ZNF722: variants seen among roughly 807,000 people sequenced by gnomAD.
ZNF722 encodes zinc finger protein 479 pseudogene.
chr7:64,004,431 T>C, the ZNF722 span, among the ~76,000 whole-genome samples: 1 of 97,382 alleles, frequency 1.0e-5, no homozygotes, highest in South Asian at 3.1e-4. Flanking sequence ...AAAAAATATA[T>C]ATATATATAT....
chr7:64,015,343 C>G, the ZNF722 span: 3 of 1,397,634 alleles, frequency 2.1e-6, no homozygotes, highest in African/African-American at 4.3e-5. Flanking sequence ...TATGGCAAAT[C>G]GTTTTGCATG....
At chr7:64,011,063 A>G in the ZNF722 span, among the ~76,000 whole-genome samples, 1 of 89,782 alleles carries the variant, frequency 1.1e-5, no homozygotes, top group Non-Finnish European at 2.6e-5. Flanking sequence ...TAGGATTGCA[A>G]CCCCTGCTTT....
the ZNF722 span, among the ~76,000 whole-genome samples, chr7:64,011,100 G>A: frequency 5.3e-5 from 8 of 150,900 alleles, no homozygotes; most frequent in Non-Finnish European, 1.0e-4. Flanking sequence ...TTTTTGGTGA[G>A]GATGGATCTT....
chr7:64,007,080 A>G, the ZNF722 span, among the ~76,000 whole-genome samples: 1 of 151,528 alleles, frequency 6.6e-6, no homozygotes, highest in African/African-American at 2.4e-5. Context: ...TCATCAACAT[A>G]GTTGGTGTTT....
the ZNF722 span, among the ~76,000 whole-genome samples, chr7:64,017,030 A>C: frequency 6.6e-6 from 1 of 152,232 alleles, no homozygotes; most frequent in Admixed American, 6.5e-5. Flanking sequence ...AAATACAAAG[A>C]ATGTGAAAAG....
At chr7:64,017,327 TGAGCCAACACAGA>T in the ZNF722 span, among the ~76,000 whole-genome samples, 1 of 136,010 alleles carries the variant, frequency 7.4e-6, no homozygotes, top group Non-Finnish European at 1.6e-5. Flanking sequence ...GAGGTTGCAG[TGAGCCAACACAGA>T]GCTGCTACAC....
chr7:63,999,237 G>C, the ZNF722 span, among the ~76,000 whole-genome samples: 1 of 152,152 alleles, frequency 6.6e-6, no homozygotes, highest in Non-Finnish European at 1.5e-5. Flanking sequence ...TGGACTGGAG[G>C]CCTCTCTGGG....
chr7:64,004,173 G>C, the ZNF722 span, among the ~76,000 whole-genome samples: 4 of 151,658 alleles, frequency 2.6e-5, no homozygotes, highest in Non-Finnish European at 5.9e-5. Context: ...GGCCAAGGCA[G>C]GCGGATCATG....
At chr7:63,999,207 C>T in the ZNF722 span, among the ~76,000 whole-genome samples, 93 of 152,270 alleles carry the variant, frequency 6.1e-4, no homozygotes, top group Non-Finnish European at 1.1e-3. Context: ...CTGTCTTTTT[C>T]CTCTGCAGTG....
At chr7:64,012,408 G>A in the ZNF722 span, among the ~76,000 whole-genome samples, 1 of 152,096 alleles carries the variant, frequency 6.6e-6, no homozygotes, top group Admixed American at 6.6e-5. Context: ...CATCTTTGTG[G>A]TTTTATCTAC....
At chr7:64,007,623 T>G in the ZNF722 span, among the ~76,000 whole-genome samples, 254 of 152,348 alleles carry the variant, frequency 1.7e-3, 2 homozygotes, top group African/African-American at 6.0e-3. Flanking sequence ...TGCCACATTT[T>G]CTTAATCCAG....
At chr7:64,009,062 T>C in the ZNF722 span, among the ~76,000 whole-genome samples, 27 of 152,314 alleles carry the variant, frequency 1.8e-4, no homozygotes, top group East Asian at 4.8e-3. Flanking sequence ...TATTGGTGTA[T>C]AGGAATGCTT....
the ZNF722 span, among the ~76,000 whole-genome samples, chr7:64,017,251 G>A: frequency 6.6e-6 from 1 of 152,168 alleles, no homozygotes; most frequent in Non-Finnish European, 1.5e-5. Context: ...AGGTGTGGTG[G>A]CGTGTGCCTG....
the ZNF722 span, among the ~76,000 whole-genome samples, chr7:64,017,641 A>C: frequency 3.9e-5 from 6 of 152,218 alleles, no homozygotes; most frequent in Non-Finnish European, 7.3e-5. Flanking sequence ...GAATGTGAAA[A>C]AACATTTGTT....
chr7:64,000,250 C>T, the ZNF722 span, among the ~76,000 whole-genome samples: 1 of 150,820 alleles, frequency 6.6e-6, no homozygotes. Flanking sequence ...CCTGCCTCAG[C>T]CTCCCAAGTA....
At chr7:64,015,109 A>G in the ZNF722 span, 1 of 1,429,102 alleles carries the variant, frequency 7.0e-7, no homozygotes, top group Non-Finnish European at 9.9e-7. Flanking sequence ...CCAAGAACAT[A>G]TGGAAAATGT....
chr7:64,008,308 A>G, the ZNF722 span, among the ~76,000 whole-genome samples: 1 of 152,126 alleles, frequency 6.6e-6, no homozygotes, highest in Non-Finnish European at 1.5e-5. Flanking sequence ...TTAGTCATGA[A>G]GTCCTTGCCC....
chr7:64,004,773 A>G, the ZNF722 span, among the ~76,000 whole-genome samples: 2 of 152,112 alleles, frequency 1.3e-5, no homozygotes, highest in Non-Finnish European at 2.9e-5. Context: ...CTTTATTTAC[A>G]GGTGAGAGAA....
chr7:64,016,492 C>A, the ZNF722 span, among the ~76,000 whole-genome samples: 1 of 152,010 alleles, frequency 6.6e-6, no homozygotes, highest in East Asian at 1.9e-4. Context: ...TACACAATAT[C>A]TGTTAATTCA....
Sources: allele counts gnomAD v4.1 joint callset (sites outside exome capture counted in the v4.1 genomes callset), GRCh38; gene constraint gnomAD v4.1.1; transcripts MANE v1.5; gene names NCBI Gene and HGNC (gene_info 2026-07-23, HGNC 2026-07-21).